Variants in BRIP1 observed in about 807,000 individuals in gnomAD.
BRIP1 encodes BRCA1 interacting DNA helicase 1, also known as Fanconi anemia group J protein.
A neutral mutation model predicts 119.7 loss-of-function variants in BRIP1; 88 were observed. The observed-to-expected ratio is 0.74, with a 90% CI of 0.62 to 0.88. The LOEUF (loss-of-function observed/expected upper bound fraction) is 0.88, where lower values mean the gene tolerates loss of function less well. Ranked by LOEUF, BRIP1 falls within the 40% of genes least tolerant of loss-of-function variation. The pLI is 0.00. For missense variants in BRIP1, 1,259 were observed against 1,455.4 expected (o/e 0.87, Z 2.20); for synonymous variants, 443 against 496.5 (o/e 0.89, Z 1.43).
In BRIP1 at chr17:61,705,043, A is replaced by G. The variant is rs1052110121; in HGVS notation, c.2492+10908T>C. The stretch of plus-strand genomic sequence containing the variant: ...CAATTGAACCTGTTACCCAGAAAGC[A>G]AGCATAGAACACAATAGGTAGTTTT... On this transcript the variant is annotated intron_variant, in intron 17 of 19. Coordinates refer to ENST00000259008, the MANE Select transcript of BRIP1 (RefSeq NM_032043.3). This position sits in a 1 kb window ranked among gnomAD's most constrained non-coding sequence, Gnocchi z 5.0. Among the ~76,000 whole-genome samples the G allele has an allele frequency of 3.9e-5, 6 of 152,158 alleles. No homozygotes were observed. The highest frequency in any genetic ancestry group is 5.9e-5 in the Non-Finnish European group (4 of 68,002).
rs876659106 is a variant in BRIP1, at chr17:61,776,500, A to T, written c.1998T>A (p.Asn666Lys). 5 of 1,614,192 alleles carry T rather than the reference A, an allele frequency of 3.1e-6. No homozygotes were observed. The highest frequency in any genetic ancestry group is 4.2e-6 in the Non-Finnish European group (5 of 1,180,016). The change falls in exon 14 of 20, where the codon AAT becomes AAA. Residue 666 changes from asparagine (N) to lysine (K), a missense_variant. Coordinates refer to ENST00000259008, the MANE Select transcript of BRIP1 (RefSeq NM_032043.3). This position sits in a 1 kb window ranked among gnomAD's most constrained non-coding sequence, Gnocchi z 5.0. Reference protein sequence around the residue: ...KGRNLCATFQNTETFEFQDEV... With the variant: ...KGRNLCATFQKTETFEFQDEV... ...CATCTTGGAACTCAAATGTTTCAGT[A>T]TTCTGGAAGGTAGCACAGAGATTCC...
In BRIP1 at chr17:61,744,140, T is replaced by G. The variant is rs770873169; in HGVS notation, c.2257+292A>C. Among the ~76,000 whole-genome samples the G allele has an allele frequency of 1.1e-4, 16 of 152,148 alleles. No homozygotes were observed. Among genetic ancestry groups the G allele is most frequent in the Non-Finnish European group, 2.1e-4 (14 of 68,018 alleles). On this transcript the variant is annotated intron_variant, in intron 15 of 19. Coordinates refer to ENST00000259008, the MANE Select transcript of BRIP1 (RefSeq NM_032043.3). This position sits in a 1 kb window ranked among gnomAD's most constrained non-coding sequence, Gnocchi z 5.0. ...CTCATTTGGCTAGTAAGGAATATAT[T>G]TATATATATCCTAACTGCCTTTTTG...
Position 61,747,194 on chromosome 17 carries a change from A to G in BRIP1, c.2098-2603T>C, listed in dbSNP as rs186383376. 2.0e-5 allele frequency among the ~76,000 whole-genome samples: 3 copies of G among 152,278 alleles called. No individual in the cohort carries two copies. In the East Asian group the frequency reaches 5.8e-4, roughly 29 times the overall value. ...GAAATACACCAAAAGCAGTACTAAG[A>G]GGAAAGTTTATAGCGGTAATGCCAA... On this transcript the variant is annotated intron_variant, in intron 14 of 19. Coordinates refer to ENST00000259008, the MANE Select transcript of BRIP1 (RefSeq NM_032043.3).
In BRIP1 at chr17:61,804,410, A is replaced by ATG. The variant is rs71153405; in HGVS notation, c.919-2938_919-2937dup. 0.023 allele frequency among the ~76,000 whole-genome samples: 2,946 copies of ATG among 125,480 alleles called. 47 individuals are homozygous for ATG. The highest frequency in any genetic ancestry group is 0.029 in the Non-Finnish European group (1,748 of 60,730). 82.3% of individuals were successfully genotyped at this position (125,480 alleles called of 152,430 possible). On this transcript the variant is annotated intron_variant, in intron 7 of 19. Coordinates refer to ENST00000259008, the MANE Select transcript of BRIP1 (RefSeq NM_032043.3). The surrounding 1 kb of genome is among the most constrained non-coding windows in gnomAD (Gnocchi z 4.5). Reference sequence around the variant, plus strand: ...AAGACTTTGAGGCAGCTATATACATATGTGTGTGTGTGTGTGTGTGTGTGT... The same window carrying ATG: ...AAGACTTTGAGGCAGCTATATACATATGTGTGTGTGTGTGTGTGTGTGTGTGT...
chr17:61,840,055 A>C (rs1215409092), intron 6 of BRIP1, among the ~76,000 whole-genome samples: 1 of 152,192 alleles, frequency 6.6e-6, no homozygotes, highest in Non-Finnish European at 1.5e-5. Context: ...AAACATCTTC[A>C]ACAGATATCA....
intron 4 of BRIP1, among the ~76,000 whole-genome samples, chr17:61,855,481 A>T (rs2078882998): frequency 6.6e-6 from 1 of 151,166 alleles, no homozygotes; most frequent in Admixed American, 6.6e-5. Context: ...TGGGAGGCTG[A>T]GGCAGGATAA....
chr17:61,686,983 T>TA lies in BRIP1; in HGVS notation c.2576-819dup, dbSNP rs1458923989. On this transcript the variant is annotated intron_variant, in intron 18 of 19. Coordinates refer to ENST00000259008, the MANE Select transcript of BRIP1 (RefSeq NM_032043.3). The surrounding 1 kb of genome is among the most constrained non-coding windows in gnomAD (Gnocchi z 5.4). ...AAATTTAAGTTCTAGATTTTAAAAC[T>TA]AAAAAAATTTTAAATAAGCCATTTC... is the stretch of plus-strand genomic sequence containing the variant. Among the ~76,000 whole-genome samples, 1 of 152,136 alleles carries TA rather than the reference T, an allele frequency of 6.6e-6. No individual in the cohort carries two copies. The highest frequency in any genetic ancestry group is 2.4e-5 in the African/African-American group (1 of 41,446).
In BRIP1 at chr17:61,752,256, G is replaced by A. The variant is rs2077141392; in HGVS notation, c.2098-7665C>T. ...TGATTATTAATATGATGAGTTAGAGGAGGGGTTATAACAGGTACATTTAGG... is the reference window on the plus strand; with the variant it reads ...TGATTATTAATATGATGAGTTAGAGAAGGGGTTATAACAGGTACATTTAGG... On this transcript the variant is annotated intron_variant, in intron 14 of 19. Coordinates refer to ENST00000259008, the MANE Select transcript of BRIP1 (RefSeq NM_032043.3). This position sits in a 1 kb window ranked among gnomAD's most constrained non-coding sequence, Gnocchi z 6.2. Among the ~76,000 whole-genome samples the A allele has an allele frequency of 6.6e-6, 1 of 152,022 alleles. No homozygotes were observed. Among genetic ancestry groups the A allele is most frequent in the Non-Finnish European group, 1.5e-5 (1 of 67,992 alleles).
chr17:61,728,832 A>G (rs1258914555), intron 16 of BRIP1, among the ~76,000 whole-genome samples: 1 of 152,212 alleles, frequency 6.6e-6, no homozygotes, highest in East Asian at 1.9e-4. Flanking sequence ...TGATATCTCC[A>G]GGAGAAAAAA....
Position 61,769,684 on chromosome 17 carries a change from T to C in BRIP1, c.2097+6717A>G, listed in dbSNP as rs1453578577. Among the ~76,000 whole-genome samples, 3 of 152,094 alleles carry C rather than the reference T, an allele frequency of 2.0e-5. No homozygotes were observed. Among genetic ancestry groups the C allele is most frequent in the Non-Finnish European group, 4.4e-5 (3 of 68,010 alleles). The stretch of plus-strand genomic sequence containing the variant: ...AGAAAAAAGTTAAACAAACTAAAAA[T>C]CAATTACTTTTCTGGGATCCATCTG... On this transcript the variant is annotated intron_variant, in intron 14 of 19. Transcript: ENST00000259008. The surrounding 1 kb of genome is among the most constrained non-coding windows in gnomAD (Gnocchi z 4.9).
chr17:61,839,531 G>C (rs2078627344), intron 6 of BRIP1, among the ~76,000 whole-genome samples: 1 of 152,104 alleles, frequency 6.6e-6, no homozygotes, highest in Middle Eastern at 3.4e-3. Context: ...AAAGTGCTTT[G>C]ATGTCTGTTA....
rs981429450 is a variant in BRIP1, at chr17:61,767,017, G to A, written c.2097+9384C>T. 2.6e-5 allele frequency among the ~76,000 whole-genome samples: 4 copies of A among 152,098 alleles called. No individual in the cohort carries two copies. Among genetic ancestry groups the A allele is most frequent in the African/African-American group, 9.7e-5 (4 of 41,426 alleles). Reference sequence around the variant, plus strand: ...AGTCAAAATCAAATTTATCTTAGTGGAAGAATGGCATTCCTCCTAGTTACC... The same window carrying A: ...AGTCAAAATCAAATTTATCTTAGTGAAAGAATGGCATTCCTCCTAGTTACC... On this transcript the variant is annotated intron_variant, in intron 14 of 19. Coordinates refer to ENST00000259008, the MANE Select transcript of BRIP1 (RefSeq NM_032043.3). The surrounding 1 kb of genome is among the most constrained non-coding windows in gnomAD (Gnocchi z 5.7).
Position 61,862,194 on chromosome 17 carries a change from G to C in BRIP1, c.-30-625C>G. 6.5e-6 allele frequency: 1 copy of C among 153,194 alleles called. No individual in the cohort carries two copies. Among genetic ancestry groups the C allele is most frequent in the South Asian group, 2.1e-4 (1 of 4,874 alleles). 9.5% of individuals were successfully genotyped at this position (153,194 alleles called of 1,614,324 possible). A position where few individuals can be genotyped will look rare whatever the true frequency, so the allele number is the denominator to read the frequency against. On this transcript the variant is annotated intron_variant, in intron 1 of 19. Coordinates refer to ENST00000259008, the MANE Select transcript of BRIP1 (RefSeq NM_032043.3). The surrounding 1 kb of genome is among the most constrained non-coding windows in gnomAD (Gnocchi z 5.3). ...ATATCTTTTTACTTCTCTAGTCTAAGATCCTTACCTGTGATAACCCCTAAT... is the reference window on the plus strand; with the variant it reads ...ATATCTTTTTACTTCTCTAGTCTAACATCCTTACCTGTGATAACCCCTAAT...
chr17:61,841,935 C>A lies in BRIP1; in HGVS notation c.627+5166G>T, dbSNP rs940069772. The stretch of plus-strand genomic sequence containing the variant: ...GGCCTGAGTGATTCTCCTACCTGAG[C>A]CTTCCAAAGTGTTGGGATTACTGGT... On this transcript the variant is annotated intron_variant, in intron 6 of 19. Transcript: ENST00000259008. The surrounding 1 kb of genome is among the most constrained non-coding windows in gnomAD (Gnocchi z 4.1). Among the ~76,000 whole-genome samples, 2 of 152,128 alleles carry A rather than the reference C, an allele frequency of 1.3e-5. No homozygotes were observed. The highest frequency in any genetic ancestry group is 2.9e-5 in the Non-Finnish European group (2 of 68,018).
intron 6 of BRIP1, among the ~76,000 whole-genome samples, chr17:61,818,575 A>G (rs1210140676): frequency 6.6e-6 from 1 of 152,136 alleles, no homozygotes; most frequent in Admixed American, 6.5e-5. Context: ...ACAAAAAATA[A>G]TGAGAAAACT....
At position 61,767,522 on chromosome 17, in the gene BRIP1, A is replaced by T. The variant is rs1264132803; in HGVS notation, c.2097+8879T>A. Among the ~76,000 whole-genome samples, 1 of 152,044 alleles carries T rather than the reference A, an allele frequency of 6.6e-6. No individual in the cohort carries two copies. Among genetic ancestry groups the T allele is most frequent in the Non-Finnish European group, 1.5e-5 (1 of 67,992 alleles). On this transcript the variant is annotated intron_variant, in intron 14 of 19. Coordinates refer to ENST00000259008, the MANE Select transcript of BRIP1 (RefSeq NM_032043.3). This position sits in a 1 kb window ranked among gnomAD's most constrained non-coding sequence, Gnocchi z 5.7. ...ACATCTGGCCTCAAGTGATCCTCCT[A>T]TCTCAGCCTCCCAAATTGCTGGGAT...
Position 61,686,400 on chromosome 17 carries a change from G to A in BRIP1, c.2576-235C>T, listed in dbSNP as rs1288350470. Among the ~76,000 whole-genome samples, 1 of 152,100 alleles carries A rather than the reference G, an allele frequency of 6.6e-6. No homozygotes were observed. The highest frequency in any genetic ancestry group is 1.9e-4 in the East Asian group (1 of 5,198). The stretch of plus-strand genomic sequence containing the variant: ...ATTGTCAAATGGAGAGAGCAAAGAG[G>A]CAGTAGAAGTAGGGCAGAGATGGGA... On this transcript the variant is annotated intron_variant, in intron 18 of 19. Coordinates refer to ENST00000259008, the MANE Select transcript of BRIP1 (RefSeq NM_032043.3). This position sits in a 1 kb window ranked among gnomAD's most constrained non-coding sequence, Gnocchi z 5.4.
chr17:61,690,888 C>T lies in BRIP1; in HGVS notation c.2575+2542G>A, dbSNP rs1375837768. On this transcript the variant is annotated intron_variant, in intron 18 of 19. Coordinates refer to ENST00000259008, the MANE Select transcript of BRIP1 (RefSeq NM_032043.3). This position sits in a 1 kb window ranked among gnomAD's most constrained non-coding sequence, Gnocchi z 5.6. ...CAACAATCACTTGCAATTCTATACACTAAAAACAACCAAAAGAGGAATGTA... is the reference window on the plus strand; with the variant it reads ...CAACAATCACTTGCAATTCTATACATTAAAAACAACCAAAAGAGGAATGTA... 6.6e-6 allele frequency among the ~76,000 whole-genome samples: 1 copy of T among 151,980 alleles called. No individual in the cohort carries two copies. The highest frequency in any genetic ancestry group is 1.5e-5 in the Non-Finnish European group (1 of 68,006).
At chr17:61,766,572 A>G (rs1260653462) in intron 14 of BRIP1, among the ~76,000 whole-genome samples, 1 of 152,200 alleles carries the variant, frequency 6.6e-6, no homozygotes, top group African/African-American at 2.4e-5. Flanking sequence ...GTACAGCTTT[A>G]AAAATGAGAA....
Sources: gnomAD v4.1 joint callset for allele counts (sites outside exome capture counted in the v4.1 genomes callset) on GRCh38, gnomAD v4.1.1 for gene constraint, Gnocchi (gnomAD v3.1) non-coding constraint, MANE v1.5 for transcripts, NCBI Gene and HGNC (gene_info 2026-07-23, HGNC 2026-07-21) for gene names.